Variants in SEMA4D observed in about 807,000 individuals in gnomAD.
SEMA4D encodes the protein semaphorin-4D.
SEMA4D carries 22 observed loss-of-function variants against 74.8 expected under a neutral mutation model. The ratio of observed to expected loss-of-function variants is 0.29; its 90% CI spans 0.21 to 0.42. SEMA4D has a LOEUF of 0.42. SEMA4D is among the 10% of genes least tolerant of loss of function. The pLI is 1.00. For synonymous variants in SEMA4D, 445 were observed against 463.7 expected (o/e 0.96, Z 0.52); for missense variants, 937 against 1,118.4 (o/e 0.84, Z 2.31).
chr9:89,418,819 C>T (rs986040641), intron 2 of SEMA4D: 1 of 152,274 alleles, frequency 6.6e-6, no homozygotes, highest in African/African-American at 2.4e-5. Context: ...TCTATTAACA[C>T]AGGAGCCACG....
Position 89,441,108 on chromosome 9 carries a change from G to A in SEMA4D, c.-244+14780C>T, listed in dbSNP as rs905917821. On this transcript the variant is annotated intron_variant, in intron 2 of 15. Coordinates refer to ENST00000422704, the MANE Select transcript of SEMA4D (RefSeq NM_001371194.2). ...CAAACCACCATCAGGCTGGCTTCAC[G>A]CCCTCTGCTGCGTCCACTGATCTTA... Among the ~76,000 whole-genome samples, 5 of 152,326 alleles carry A rather than the reference G, an allele frequency of 3.3e-5. No homozygotes were observed. The East Asian group carries it at 5.8e-4, about 18-fold the overall frequency.
intron 2 of SEMA4D, among the ~76,000 whole-genome samples, chr9:89,426,679 G>C (rs1848194330): frequency 6.6e-6 from 1 of 152,126 alleles, no homozygotes; most frequent in African/African-American, 2.4e-5. Flanking sequence ...ACGCAGCCTC[G>C]ACCTGATCTA....
In SEMA4D at chr9:89,452,107, G is replaced by C. The variant is rs540366707; in HGVS notation, c.-244+3781C>G. Among the ~76,000 whole-genome samples the C allele has an allele frequency of 8.6e-5, 13 of 152,044 alleles. No individual in the cohort carries two copies. In the South Asian group the frequency reaches 2.5e-3, roughly 29 times the overall value. ...TCTGGTTACTATAAATGAACCCTTG[G>C]CCACCGGCCCCTCCTGTGTGCCAGA... On this transcript the variant is annotated intron_variant, in intron 2 of 15. Transcript: ENST00000422704.
At chr9:89,392,741 G>A (rs1193524826) in intron 7 of SEMA4D, among the ~76,000 whole-genome samples, 12 of 151,802 alleles carry the variant, frequency 7.9e-5, no homozygotes, top group Non-Finnish European at 1.8e-4. Flanking sequence ...TTTTTGTTTT[G>A]TTTTGAGACA....
chr9:89,483,242 G>A (rs1824866198), intron 1 of SEMA4D, among the ~76,000 whole-genome samples: 1 of 152,228 alleles, frequency 6.6e-6, no homozygotes, highest in African/African-American at 2.4e-5. Flanking sequence ...CGGCTTCCCA[G>A]GATTCCACAT....
intron 6 of SEMA4D, among the ~76,000 whole-genome samples, chr9:89,396,523 A>C (rs1047054393): frequency 1.3e-5 from 2 of 152,232 alleles, no homozygotes; most frequent in South Asian, 2.1e-4. Flanking sequence ...ATGGACACCG[A>C]AACTTAGAGG....
rs138718563 is a variant in SEMA4D, at chr9:89,472,912, A to T, written c.-309-16959T>A. 3.5e-3 allele frequency among the ~76,000 whole-genome samples: 528 copies of T among 151,790 alleles called. 1 individual carries two copies. The highest frequency in any genetic ancestry group is 0.012 in the African/African-American group (504 of 41,364). On this transcript the variant is annotated intron_variant, in intron 1 of 15. Transcript: ENST00000422704. ...GGTTTGAGACCAGCCTGGGCAACAT[A>T]GTGAGACCCCATCTCTATAAAAAAT...
chr9:89,446,523 A>C (rs1852898773), intron 2 of SEMA4D, among the ~76,000 whole-genome samples: 1 of 152,208 alleles, frequency 6.6e-6, no homozygotes, highest in Non-Finnish European at 1.5e-5. Context: ...AAAGAAAACA[A>C]GAAACACCAT....
chr9:89,477,964 A>G (rs1862181921), intron 1 of SEMA4D, among the ~76,000 whole-genome samples: 2 of 152,320 alleles, frequency 1.3e-5, no homozygotes, highest in East Asian at 1.9e-4. Context: ...GTCAACATGA[A>G]GTTATTTTAC....
At chr9:89,439,896 T>A (rs1360645867) in intron 2 of SEMA4D, among the ~76,000 whole-genome samples, 6 of 152,196 alleles carry the variant, frequency 3.9e-5, no homozygotes, top group African/African-American at 1.4e-4. Context: ...CATCTTAGTG[T>A]CAATTTAAGC....
At chr9:89,453,353 G>T (rs976549712) in intron 2 of SEMA4D, among the ~76,000 whole-genome samples, 2 of 152,260 alleles carry the variant, frequency 1.3e-5, no homozygotes, top group Non-Finnish European at 2.9e-5. Flanking sequence ...ACATGCAAGT[G>T]TAAGAGTTTG....
At chr9:89,450,674 A>AAAAC in intron 2 of SEMA4D, 1 of 916,032 alleles carries the variant, frequency 1.1e-6, no homozygotes, top group Non-Finnish European at 1.7e-6. Flanking sequence ...AAAAAAAAAA[A>AAAAC]AAAAAAAAAA....
chr9:89,429,703 C>G (rs1014107481), intron 2 of SEMA4D, among the ~76,000 whole-genome samples: 1 of 152,144 alleles, frequency 6.6e-6, no homozygotes, highest in African/African-American at 2.4e-5. Flanking sequence ...GAGGGACGTA[C>G]CCGACCTCCA....
intron 2 of SEMA4D, among the ~76,000 whole-genome samples, chr9:89,439,489 T>C (rs896565149): frequency 2.6e-5 from 4 of 152,152 alleles, no homozygotes; most frequent in Admixed American, 6.5e-5. Context: ...CTTAAAGCAA[T>C]GGTAATATTA....
At chr9:89,390,190 G>A (rs116419057) in intron 9 of SEMA4D, among the ~76,000 whole-genome samples, 1,955 of 152,292 alleles carry the variant, frequency 0.013, 52 homozygotes, top group African/African-American at 0.045. Flanking sequence ...GGGAGGGCTC[G>A]AGTCCCCTGG....
At chr9:89,486,641 C>T (rs1422884998) in intron 1 of SEMA4D, among the ~76,000 whole-genome samples, 1 of 152,180 alleles carries the variant, frequency 6.6e-6, no homozygotes, top group Non-Finnish European at 1.5e-5. Flanking sequence ...CACAGTGGCT[C>T]ACACCTGTAA....
rs142492709 is a variant in SEMA4D at position 89,388,725 on chromosome 9, C to T, written c.1018G>A (p.Gly340Arg). 1.9e-5 allele frequency: 31 copies of T among 1,610,674 alleles called. No individual in the cohort carries two copies. The highest frequency in any genetic ancestry group is 2.3e-5 in the Non-Finnish European group (27 of 1,179,230). The stretch of plus-strand genomic sequence containing the variant: ...ACTGTGGTGCTCTGCATGTACTTCC[C>T]GTGGGAGAAGACCTCCTCGGCTGTG... ...LSTAEEVFSH[G>R]KYMQSTTVEQ... The change falls in exon 11 of 16, where the codon GGG (glycine) becomes AGG (arginine). Residue 340 changes from glycine (G) to arginine (R), a missense_variant. Coordinates refer to ENST00000422704, the MANE Select transcript of SEMA4D (RefSeq NM_001371194.2).
chr9:89,370,006 GGT>G (rs992914241), intron 16 of SEMA4D, among the ~76,000 whole-genome samples: 6 of 151,632 alleles, frequency 4.0e-5, no homozygotes, highest in Admixed American at 6.6e-5. Context: ...TGGTATGATT[GGT>G]GTGTGTGTGA....
intron 4 of SEMA4D, among the ~76,000 whole-genome samples, chr9:89,401,106 C>T (rs897105381): frequency 1.3e-5 from 2 of 152,106 alleles, no homozygotes; most frequent in Non-Finnish European, 2.9e-5. Flanking sequence ...CCAGGCTGGA[C>T]TGCAGTGGCA....
Sources: allele counts gnomAD v4.1 joint callset (sites outside exome capture counted in the v4.1 genomes callset), GRCh38; gene constraint gnomAD v4.1.1; transcripts MANE v1.5; gene names NCBI Gene and HGNC (gene_info 2026-07-23, HGNC 2026-07-21).